The following THBS2 variants were observed in gnomAD, a reference collection of about 807,000 sequenced individuals.
THBS2 encodes thrombospondin 2.
THBS2 carries 47 observed loss-of-function variants against 135.2 expected under a neutral mutation model. That is an observed-to-expected ratio of 0.35 (90% confidence interval 0.28 to 0.44). The LOEUF (loss-of-function observed/expected upper bound fraction) is 0.44. THBS2 is among the 20% of genes least tolerant of loss of function. The probability of loss-of-function intolerance (pLI) is 1.00; values close to 1 mark genes in which losing one functional copy is unlikely to be tolerated. For missense variants in THBS2, 1,288 were observed against 1,603.1 expected, an observed-to-expected ratio of 0.80 and a Z score of 3.36; for synonymous variants, 639 against 633.8, an observed-to-expected ratio of 1.01 and a Z score of -0.12.
chr6:169,235,212 G>A (rs1398112228), intron 9 of THBS2, among the ~76,000 whole-genome samples: 1 of 151,954 alleles, frequency 6.6e-6, no homozygotes, highest in African/African-American at 2.4e-5. Flanking sequence ...TTAATAGAGA[G>A]GGTCTCGCTA....
At chr6:169,221,627 T>C in intron 19 of THBS2, 100 bp from the exon 20 acceptor site, 1 of 1,009,434 alleles carries the variant, frequency 9.9e-7, no homozygotes, top group Non-Finnish European at 1.5e-6. Flanking sequence ...CTTTGCAAGT[T>C]CATGCTTAAG....
At chr6:169,218,618 AATGG>A (rs1443462814) in intron 21 of THBS2, among the ~76,000 whole-genome samples, 14 of 109,012 alleles carry the variant, frequency 1.3e-4, no homozygotes, top group South Asian at 3.1e-4. Flanking sequence ...TGGATGGATG[AATGG>A]ATGGATGGAT....
rs1166734303 is a variant in THBS2 at position 169,222,227 on chromosome 6, C to T, written c.3243G>A (p.Ala1081=). Residue 1081 remains alanine, a synonymous_variant, in exon 19 of 22, where the codon GCG becomes GCA. Coordinates refer to ENST00000617924, the MANE Select transcript of THBS2 (RefSeq NM_003247.5). ...TTGTGEHLRN[A]LWHTGNTPGQ... ...CCGGCGTGTTCCCCGTGTGCCACAG[C>T]GCGTTCCTCAGGTGCTCGCCCGTCC... 1.1e-5 allele frequency: 18 copies of T among 1,611,828 alleles called. No homozygotes were observed. Among genetic ancestry groups the T allele is most frequent in the East Asian group, 4.5e-5 (2 of 44,870 alleles).
intron 9 of THBS2, among the ~76,000 whole-genome samples, chr6:169,235,554 C>T (rs549694199): frequency 4.6e-5 from 7 of 152,134 alleles, no homozygotes; most frequent in African/African-American, 7.2e-5. Flanking sequence ...TTGGGCCAAG[C>T]GCTCTGTAAC....
At chr6:169,246,705 C>G (rs1345387059) in intron 3 of THBS2, among the ~76,000 whole-genome samples, 1 of 152,182 alleles carries the variant, frequency 6.6e-6, no homozygotes, top group Non-Finnish European at 1.5e-5. Flanking sequence ...GACACAGACC[C>G]TGGGCCTGCA....
At chr6:169,246,162 C>T (rs774346374) in intron 4 of THBS2, 35 bp downstream of exon 4, 3 of 1,554,224 alleles carry the variant, frequency 1.9e-6, no homozygotes, top group South Asian at 1.1e-5. Context: ...CCATCCAAGC[C>T]AGTATATAAA....
intron 19 of THBS2, 54 bp downstream of exon 19, chr6:169,222,143 T>A (rs1318966935): frequency 2.6e-6 from 4 of 1,534,340 alleles, no homozygotes; most frequent in Non-Finnish European, 3.5e-6. Context: ...GCTGAAACAC[T>A]CTGCAGCCAC....
intron 7 of THBS2, chr6:169,239,386 C>G (rs372435848): frequency 5.9e-4 from 340 of 573,920 alleles, no homozygotes; most frequent in Non-Finnish European, 9.6e-4. Flanking sequence ...GGCCTTCCCA[C>G]CCCCGCGTTC....
intron 9 of THBS2, among the ~76,000 whole-genome samples, chr6:169,235,555 G>A (rs867342895): frequency 3.3e-5 from 5 of 151,966 alleles, no homozygotes; most frequent in East Asian, 1.9e-4. Context: ...TGGGCCAAGC[G>A]CTCTGTAACT....
intron 7 of THBS2, chr6:169,239,102 C>A (rs1370812754): frequency 6.5e-6 from 1 of 153,694 alleles, no homozygotes; most frequent in African/African-American, 2.4e-5. Flanking sequence ...CCCAGGGTGC[C>A]CACACGTGGT....
Position 169,237,760 on chromosome 6 carries a change from C to G in THBS2, c.1165G>C (p.Glu389Gln). The change falls in exon 8 of 22, where the codon GAG becomes CAG. Residue 389 changes from glutamate (E) to glutamine (Q), a missense_variant. Around this residue, in one of 2 missense-constraint regions of THBS2, gnomAD observed 874 missense variants for 1,156.1 expected, o/e 0.76. Transcript: ENST00000617924. ...CACGTCACGGAGCACTGGGTCCACT[C>G]TGCCCACGGAGACCAGCCCTCCTCA... ...DGEEGWSPWA[E>Q]WTQCSVTCGS... 6.2e-7 allele frequency: 1 copy of G among 1,611,876 alleles called. No homozygotes were observed. Among genetic ancestry groups the G allele is most frequent in the South Asian group, 1.1e-5 (1 of 91,082 alleles).
chr6:169,237,544 TC>T, intron 8 of THBS2, 80 bp downstream of exon 8: 1 of 1,589,118 alleles, frequency 6.3e-7, no homozygotes, highest in Non-Finnish European at 8.6e-7. Flanking sequence ...GGCAGCTCTG[TC>T]CCTTGCAAAG....
chr6:169,243,093 C>CACCTTCCCACCTTCCCACCACTCCT (rs1416907169), intron 4 of THBS2, among the ~76,000 whole-genome samples: 1 of 128,128 alleles, frequency 7.8e-6, no homozygotes, highest in Non-Finnish European at 1.6e-5. Context: ...CCACTGCTCC[C>CACCTTCCCACCTTCCCACCACTCCT]ACCTTCCCAC....
intron 20 of THBS2, among the ~76,000 whole-genome samples, chr6:169,220,777 TG>T (rs1324039775): frequency 6.6e-6 from 1 of 152,124 alleles, no homozygotes; most frequent in Non-Finnish European, 1.5e-5. Flanking sequence ...GACAGGAGGA[TG>T]GGGCATCAAT....
chr6:169,226,942 A>G (rs9505920), intron 15 of THBS2, among the ~76,000 whole-genome samples: 50,791 of 151,858 alleles, frequency 0.33, 8,486 homozygotes, highest in South Asian at 0.41. Context: ...GAAGTAAGGA[A>G]CACCTAAAAA....
At chr6:169,250,628 C>T (rs746201911) in intron 2 of THBS2, 105 bp downstream of exon 2, 17 of 981,512 alleles carry the variant, frequency 1.7e-5, no homozygotes, top group African/African-American at 8.1e-5. Context: ...AAGGTCCTCA[C>T]GGGTAAGATT....
rs909005087 is a variant in THBS2 at position 169,241,111 on chromosome 6, A to T, written c.892-519T>A. Among the ~76,000 whole-genome samples, 1 of 148,658 alleles carries T rather than the reference A, an allele frequency of 6.7e-6. No individual in the cohort carries two copies. The highest frequency in any genetic ancestry group is 1.5e-5 in the Non-Finnish European group (1 of 67,506). On this transcript the variant is annotated intron_variant, in intron 5 of 21. Transcript: ENST00000617924. The surrounding 1 kb of genome is among the most constrained non-coding windows in gnomAD (Gnocchi z 5.5). ...CCTGCCCTGGGCTCCATCTCCTGGC[A>T]TCATTTACTTCATGCCCTCTGGGTA...
rs780127381 is a variant in THBS2, at chr6:169,225,306, T to C, written c.2612A>G (p.Asn871Ser). 5 of 1,590,978 alleles carry C rather than the reference T, an allele frequency of 3.1e-6. No individual in the cohort carries two copies. Among genetic ancestry groups the C allele is most frequent in the Non-Finnish European group, 4.3e-6 (5 of 1,168,272 alleles). ...GATGTAGGGGCAGTTGTCCTGGTTG[T>C]TCTGGTGGCCGTCGTCATCTATGTC... ...NEDIDDDGHQ[N>S]NQDNCPYISN... The change falls in exon 17 of 22, where the codon AAC becomes AGC. Residue 871 changes from asparagine (N) to serine (S), a missense_variant. This residue lies in a region of THBS2 where 874 missense variants were observed against 1,156.1 expected (regional missense o/e 0.76). Transcript: ENST00000617924.
Position 169,241,286 on chromosome 6 carries a change from C to T in THBS2, c.891+476G>A, listed in dbSNP as rs1029594354. Among the ~76,000 whole-genome samples, 5 of 152,144 alleles carry T rather than the reference C, an allele frequency of 3.3e-5. No individual in the cohort carries two copies. The highest frequency in any genetic ancestry group is 4.8e-5 in the African/African-American group (2 of 41,436). On this transcript the variant is annotated intron_variant, in intron 5 of 21. Transcript: ENST00000617924. The surrounding 1 kb of genome is among the most constrained non-coding windows in gnomAD (Gnocchi z 5.5). ...GCAGGCATCGCTCTCTCTTCCTGGC[C>T]GCGCTGTGCCGCTCAAACCCATTTC...
Sources: gnomAD v4.1 joint callset for allele counts (sites outside exome capture counted in the v4.1 genomes callset) on GRCh38, gnomAD v4.1.1 for gene constraint, gnomAD v4.1.1 regional missense constraint, Gnocchi (gnomAD v3.1) non-coding constraint, MANE v1.5 for transcripts, NCBI Gene and HGNC (gene_info 2026-07-23, HGNC 2026-07-21) for gene names.